SLC12A1: variants seen among roughly 807,000 people sequenced by gnomAD.
SLC12A1 encodes the protein Na-K-2Cl cotransporter.
Under a neutral mutation model 130.4 loss-of-function variants are expected in SLC12A1, and 89 were observed. The ratio of observed to expected loss-of-function variants is 0.68; its 90% CI spans 0.58 to 0.81. SLC12A1 has a LOEUF of 0.81. Ranked by LOEUF, SLC12A1 falls within the 40% of genes least tolerant of loss-of-function variation. The pLI is 0.00. For synonymous variants in SLC12A1, 499 were observed against 460.0 expected (o/e 1.08, Z -1.09); for missense variants, 1,310 against 1,336.4 (o/e 0.98, Z 0.31).
intron 20 of SLC12A1, among the ~76,000 whole-genome samples, chr15:48,280,100 T>C (rs1330041131): frequency 6.6e-6 from 1 of 151,334 alleles, no homozygotes; most frequent in African/African-American, 2.4e-5. Flanking sequence ...AATTAACGAC[T>C]CTCTATCCTT....
chr15:48,220,125 A>AGGTAGAT (rs376488329), intron 2 of SLC12A1, among the ~76,000 whole-genome samples: 1 of 99,696 alleles, frequency 1.0e-5, no homozygotes, highest in African/African-American at 4.4e-5. Context: ...AAAAAAAAAA[A>AGGTAGAT]AAAAGGTAGA....
At chr15:48,261,941 T>G (rs1175589769) in intron 17 of SLC12A1, among the ~76,000 whole-genome samples, 1 of 152,218 alleles carries the variant, frequency 6.6e-6, no homozygotes, top group Non-Finnish European at 1.5e-5. Context: ...GTTATAGAGT[T>G]GCTATTTGAA....
At chr15:48,239,395 TC>T (rs1185066231) in intron 9 of SLC12A1, among the ~76,000 whole-genome samples, 19 of 151,766 alleles carry the variant, frequency 1.3e-4, no homozygotes, top group African/African-American at 4.4e-4. Flanking sequence ...ACACCTATCA[TC>T]CCACCTACTT....
chr15:48,232,879 C>T (rs374972623), intron 8 of SLC12A1, 41 bp downstream of exon 8: 1,078 of 1,163,396 alleles, frequency 9.3e-4, no homozygotes, highest in Non-Finnish European at 1.3e-3. Context: ...AAATACTTCT[C>T]CATTGCCCTC....
Position 48,251,760 on chromosome 15 carries a change from T to C in SLC12A1, c.1932T>C (p.Cys644=). The C allele has an allele frequency of 6.2e-7, 1 of 1,613,828 alleles. No homozygotes were observed. The highest frequency in any genetic ancestry group is 8.5e-7 in the Non-Finnish European group (1 of 1,179,784). The part of the protein sequence containing the change: ...IEFFLYVYVT[C]KKPDVNWGSS... ...TCTTCCTTTACGTCTATGTGACTTGTAAGAAGCCAGGTAAGATAATGACTG... is the reference window on the plus strand; with the variant it reads ...TCTTCCTTTACGTCTATGTGACTTGCAAGAAGCCAGGTAAGATAATGACTG... Residue 644 remains cysteine (C), a synonymous_variant, in exon 15 of 27, where the codon TGT becomes TGC. Coordinates refer to ENST00000380993, the MANE Select transcript of SLC12A1 (RefSeq NM_000338.3).
At chr15:48,289,891 C>A (rs2042101899) in intron 23 of SLC12A1, among the ~76,000 whole-genome samples, 1 of 152,094 alleles carries the variant, frequency 6.6e-6, no homozygotes, top group Non-Finnish European at 1.5e-5. Flanking sequence ...ACACTGTATA[C>A]TTGGGCTACA....
chr15:48,265,362 C>G (rs1012359595), intron 17 of SLC12A1, among the ~76,000 whole-genome samples: 1 of 152,226 alleles, frequency 6.6e-6, no homozygotes, highest in African/African-American at 2.4e-5. Flanking sequence ...CCCAGGGGTT[C>G]ACAGTCACTG....
chr15:48,208,800 CT>C (rs964185884), intron 2 of SLC12A1, among the ~76,000 whole-genome samples: 1 of 152,184 alleles, frequency 6.6e-6, no homozygotes, highest in African/African-American at 2.4e-5. Flanking sequence ...AAGCAAAACA[CT>C]TGTGCTTGCT....
intron 1 of SLC12A1, 34 bp downstream of exon 1, chr15:48,206,364 A>G (rs971205277): frequency 6.6e-6 from 1 of 152,234 alleles, no homozygotes; most frequent in African/African-American, 2.4e-5. Context: ...GGTAAAAATC[A>G]TACTTAATAT....
At chr15:48,275,111 C>T (rs2141098321) in intron 20 of SLC12A1, among the ~76,000 whole-genome samples, 1 of 152,272 alleles carries the variant, frequency 6.6e-6, no homozygotes, top group African/African-American at 2.4e-5. Flanking sequence ...AAGTCAGAGG[C>T]AGAAACACTA....
In SLC12A1 at chr15:48,282,475, G is replaced by A. The variant is rs116307198; in HGVS notation, c.2486-2631G>A. ...GGCAACCAGTGGCTAATCATAGGGC[G>A]CACTGGAGCCTGCCCAAAAAAAAAG... is the stretch of plus-strand genomic sequence containing the variant. On this transcript the variant is annotated intron_variant, in intron 20 of 26. Transcript: ENST00000380993. Among the ~76,000 whole-genome samples, 746 of 152,150 alleles carry A rather than the reference G, an allele frequency of 4.9e-3. 8 individuals are homozygous for A. The highest frequency in any genetic ancestry group is 0.044 in the Middle Eastern group (13 of 294).
rs961451101 is a variant in SLC12A1 at position 48,226,545 on chromosome 15, T to C, written c.698T>C (p.Ile233Thr). The C allele has an allele frequency of 2.5e-6, 4 of 1,610,276 alleles. No individual in the cohort carries two copies. Among genetic ancestry groups the C allele is most frequent in the Non-Finnish European group, 3.4e-6 (4 of 1,177,834 alleles). ...TSITGLSTSA[I>T]ATNGFVRGGG... Reference sequence around the variant, plus strand: ...ATTACTGGGTTGTCAACTTCTGCGATAGCAACTAACGGGTTTGTTCGTGGA... The same window carrying C: ...ATTACTGGGTTGTCAACTTCTGCGACAGCAACTAACGGGTTTGTTCGTGGA... Residue 233 changes from isoleucine (I) to threonine (T), a missense_variant, in exon 5 of 27, where the codon ATA becomes ACA. Transcript: ENST00000380993.
At chr15:48,220,141 A>AGATAGAT (rs2041188375) in intron 2 of SLC12A1, among the ~76,000 whole-genome samples, 1 of 145,040 alleles carries the variant, frequency 6.9e-6, no homozygotes, top group Non-Finnish European at 1.5e-5. Flanking sequence ...GTAGATAGAT[A>AGATAGAT]GATAGATAGA....
At position 48,255,834 on chromosome 15, in the gene SLC12A1, C is replaced by T. The variant is rs781230604; in HGVS notation, c.1966C>T (p.Gln656Ter). The T allele has an allele frequency of 1.9e-5, 31 of 1,607,622 alleles. No homozygotes were observed. Among genetic ancestry groups the T allele is most frequent in the Non-Finnish European group, 2.5e-5 (30 of 1,176,874 alleles). Residue 656 changes from glutamine to a stop codon, truncating the protein, a stop_gained, in exon 16 of 27, where the codon CAG (glutamine) becomes TAG (stop). Transcript: ENST00000380993. LOFTEE classifies it high-confidence loss of function. ...AGATGTGAACTGGGGCTCCTCCACA[C>T]AGGCTCTTTCCTACGTGAGTGCTTT... ...KPDVNWGSSTQALSYVSALDN... is the reference protein window; with the variant it reads ...KPDVNWGSST
chr15:48,218,246 C>A (rs2041150515), intron 2 of SLC12A1, among the ~76,000 whole-genome samples: 1 of 152,166 alleles, frequency 6.6e-6, no homozygotes, highest in Non-Finnish European at 1.5e-5. Context: ...ACTTGTCACA[C>A]AATGACTCTT....
Position 48,267,551 on chromosome 15 carries a change from T to A in SLC12A1, c.2155-10T>A, listed in dbSNP as rs762650284. The A allele has an allele frequency of 4.3e-6, 7 of 1,613,160 alleles. No homozygotes were observed. In the East Asian group the frequency reaches 1.6e-4, roughly 36 times the overall value. On this transcript the variant is annotated splice_polypyrimidine_tract_variant and intron_variant, in intron 17 of 26. Transcript: ENST00000380993. ...CAGGGTTCTAACCAATATTTCATTGTGTCACACAGGGACCGCGCAAACTGT... is the reference window on the plus strand; with the variant it reads ...CAGGGTTCTAACCAATATTTCATTGAGTCACACAGGGACCGCGCAAACTGT...
At chr15:48,270,116 C>T (rs2082575267) in intron 19 of SLC12A1, among the ~76,000 whole-genome samples, 1 of 152,128 alleles carries the variant, frequency 6.6e-6, no homozygotes, top group Non-Finnish European at 1.5e-5. Context: ...CTGGTGTCTC[C>T]AATTCAGTCA....
At chr15:48,211,600 C>CAAGCTAG (rs1486598950) in intron 2 of SLC12A1, among the ~76,000 whole-genome samples, 16 of 152,296 alleles carry the variant, frequency 1.1e-4, no homozygotes, top group African/African-American at 3.6e-4. Context: ...TGACACAGTA[C>CAAGCTAG]AAGCTAGACA....
intron 2 of SLC12A1, among the ~76,000 whole-genome samples, chr15:48,214,190 A>C (rs2041090815): frequency 6.6e-6 from 1 of 152,214 alleles, no homozygotes; most frequent in Non-Finnish European, 1.5e-5. Flanking sequence ...CTAAGAGTTC[A>C]TTCTGATACT....
Sources: gnomAD v4.1 joint callset for allele counts (sites outside exome capture counted in the v4.1 genomes callset) on GRCh38, gnomAD v4.1.1 for gene constraint, MANE v1.5 for transcripts, NCBI Gene and HGNC (gene_info 2026-07-23, HGNC 2026-07-21) for gene names.